Variants in CSTPP1 observed in about 807,000 individuals in gnomAD.
The protein encoded by CSTPP1 is centriolar satellite-associated tubulin polyglutamylase complex regulator 1, also known as UPF0705 protein C11orf49.
At chr11:47,110,890 C>CTTTTTTTTTTTTTTTTT in the CSTPP1 span, among the ~76,000 whole-genome samples, 1 of 125,496 alleles carries the variant, frequency 8.0e-6, no homozygotes, top group South Asian at 2.6e-4. Context: ...GAGAACACAT[C>CTTTTTTTTTTTTTTTTT]TTTTTTTTTT....
chr11:47,088,283 C>T, the CSTPP1 span, among the ~76,000 whole-genome samples: 3 of 152,282 alleles, frequency 2.0e-5, no homozygotes, highest in South Asian at 6.2e-4. Context: ...ATAAGTGCTC[C>T]ATAAATGGCA....
the CSTPP1 span, among the ~76,000 whole-genome samples, chr11:47,090,468 A>G: frequency 7.0e-6 from 1 of 143,356 alleles, no homozygotes; most frequent in Non-Finnish European, 1.5e-5. Context: ...CTTAAGATGG[A>G]AAAAAAAACA....
chr11:47,134,009 G>A, the CSTPP1 span, among the ~76,000 whole-genome samples: 11 of 152,044 alleles, frequency 7.2e-5, no homozygotes, highest in African/African-American at 2.4e-4. Context: ...CCCACCCTGA[G>A]ATCTTGCTCA....
the CSTPP1 span, among the ~76,000 whole-genome samples, chr11:47,067,879 A>G: frequency 6.6e-6 from 1 of 152,190 alleles, no homozygotes; most frequent in Non-Finnish European, 1.5e-5. Context: ...GTTTTGATTT[A>G]TCATTAACAT....
chr11:46,947,952 A>G, the CSTPP1 span: 1 of 424,056 alleles, frequency 2.4e-6, no homozygotes, highest in South Asian at 1.7e-5. Flanking sequence ...CTTTAAATTA[A>G]TGTGGCAGAA....
At chr11:46,937,239 G>C in the CSTPP1 span, among the ~76,000 whole-genome samples, 4 of 152,284 alleles carry the variant, frequency 2.6e-5, no homozygotes, top group East Asian at 7.7e-4. Context: ...ACTGTGCTAA[G>C]CATTTTTCAT....
At chr11:46,986,018 T>G in the CSTPP1 span, among the ~76,000 whole-genome samples, 1 of 152,130 alleles carries the variant, frequency 6.6e-6, no homozygotes, top group African/African-American at 2.4e-5. Flanking sequence ...AAATGTAAGG[T>G]CACTAAATCT....
At chr11:47,114,627 CTGTT>C in the CSTPP1 span, among the ~76,000 whole-genome samples, 8 of 152,258 alleles carry the variant, frequency 5.3e-5, no homozygotes, top group African/African-American at 1.9e-4. Context: ...ATTTGGCTCT[CTGTT>C]TGTCTGTTAT....
the CSTPP1 span, among the ~76,000 whole-genome samples, chr11:47,054,717 TG>T: frequency 6.6e-6 from 1 of 152,144 alleles, no homozygotes; most frequent in Non-Finnish European, 1.5e-5. Flanking sequence ...CATAGAAGTC[TG>T]GTAGTAGTTG....
the CSTPP1 span, among the ~76,000 whole-genome samples, chr11:47,048,296 A>T: frequency 6.6e-6 from 1 of 152,212 alleles, no homozygotes; most frequent in Non-Finnish European, 1.5e-5. Flanking sequence ...TGGTACATAC[A>T]TACAAAGGAA....
the CSTPP1 span, among the ~76,000 whole-genome samples, chr11:47,037,111 A>G: frequency 3.1e-5 from 4 of 127,670 alleles, 1 homozygote; most frequent in African/African-American, 4.9e-5. Context: ...AGAATTATGT[A>G]GATGTGTCAA....
At chr11:47,104,357 C>G in the CSTPP1 span, among the ~76,000 whole-genome samples, 1 of 152,190 alleles carries the variant, frequency 6.6e-6, no homozygotes, top group Non-Finnish European at 1.5e-5. Flanking sequence ...GTTCCCCGCC[C>G]TTCAGCTTCT....
At chr11:47,132,240 C>A in the CSTPP1 span, among the ~76,000 whole-genome samples, 2 of 152,294 alleles carry the variant, frequency 1.3e-5, no homozygotes, top group South Asian at 4.1e-4. Context: ...TGTGTTCACA[C>A]AGTAACCAGA....
At chr11:47,119,196 C>A in the CSTPP1 span, among the ~76,000 whole-genome samples, 1 of 152,264 alleles carries the variant, frequency 6.6e-6, no homozygotes, top group East Asian at 1.9e-4. Context: ...GCTGCCGCCT[C>A]GCAGATCAAT....
At chr11:47,088,195 G>A in the CSTPP1 span, among the ~76,000 whole-genome samples, 6 of 152,192 alleles carry the variant, frequency 3.9e-5, no homozygotes, top group Non-Finnish European at 8.8e-5. Context: ...CTCTTGAAGT[G>A]GGGGAGTATC....
chr11:47,085,585 A>G, the CSTPP1 span, among the ~76,000 whole-genome samples: 2 of 152,140 alleles, frequency 1.3e-5, no homozygotes, highest in African/African-American at 4.8e-5. Context: ...CCTTAATCTT[A>G]TATTTCAAGA....
chr11:47,153,503 A>G, the CSTPP1 span, among the ~76,000 whole-genome samples: 1 of 152,242 alleles, frequency 6.6e-6, no homozygotes, highest in Admixed American at 6.5e-5. Flanking sequence ...GTGTGCTCTC[A>G]TGGAAGATGT....
chr11:47,015,474 AAAAC>A, the CSTPP1 span, among the ~76,000 whole-genome samples: 30 of 152,098 alleles, frequency 2.0e-4, no homozygotes, highest in East Asian at 5.8e-4. Context: ...CTCCGTCTCA[AAAAC>A]AAACAAACAA....
chr11:47,154,803 G>T, the CSTPP1 span: 1 of 291,238 alleles, frequency 3.4e-6, no homozygotes. Context: ...AGAATGAAAG[G>T]ATTTACTGCT....
Sources: allele counts gnomAD v4.1 joint callset (sites outside exome capture counted in the v4.1 genomes callset), GRCh38; gene constraint gnomAD v4.1.1; transcripts MANE v1.5; gene names NCBI Gene and HGNC (gene_info 2026-07-23, HGNC 2026-07-21).